The following C1orf198 variants were observed in gnomAD, a reference collection of about 807,000 sequenced individuals.
C1orf198 encodes chromosome 1 open reading frame 198.
C1orf198 carries 17 observed loss-of-function variants against 31.4 expected under a neutral mutation model. The observed-to-expected ratio is 0.54, with a 90% CI of 0.37 to 0.81. The LOEUF (loss-of-function observed/expected upper bound fraction) is 0.81, where lower values mean the gene tolerates loss of function less well. Among genes scored for constraint, C1orf198 ranks in the 40% least tolerant of loss-of-function variants. C1orf198 has a pLI of 0.00. For missense variants in C1orf198, 401 were observed against 450.3 expected, an observed-to-expected ratio of 0.89 and a Z score of 0.99; for synonymous variants, 175 against 193.8, an observed-to-expected ratio of 0.90 and a Z score of 0.81.
At chr1:230,866,783 C>T (rs963467063) in intron 1 of C1orf198, among the ~76,000 whole-genome samples, 2 of 152,208 alleles carry the variant, frequency 1.3e-5, no homozygotes, top group Non-Finnish European at 2.9e-5. Context: ...TATAAATACG[C>T]CTATTTTCCC....
intron 2 of C1orf198, among the ~76,000 whole-genome samples, chr1:230,854,961 C>T (rs1669837360): frequency 6.6e-6 from 1 of 152,216 alleles, no homozygotes; most frequent in African/African-American, 2.4e-5. Flanking sequence ...AACACACTCT[C>T]ATGACGTAAA....
At chr1:230,845,216 T>TAAAAAAAAAAAAAAAAAAAA (rs11355270) in intron 2 of C1orf198, among the ~76,000 whole-genome samples, 1 of 117,072 alleles carries the variant, frequency 8.5e-6, no homozygotes, top group East Asian at 2.8e-4. Context: ...TTAAAAAAAT[T>TAAAAAAAAAAAAAAAAAAAA]AAAAAAAAAA....
intron 1 of C1orf198, among the ~76,000 whole-genome samples, chr1:230,866,513 T>C (rs1435233132): frequency 6.6e-6 from 1 of 152,202 alleles, no homozygotes; most frequent in East Asian, 1.9e-4. Context: ...AGATGAGGAA[T>C]GAGAATAAAA....
chr1:230,867,416 A>T (rs1670144490), intron 1 of C1orf198, among the ~76,000 whole-genome samples: 2 of 152,186 alleles, frequency 1.3e-5, no homozygotes, highest in Non-Finnish European at 2.9e-5. Context: ...TCCCTCTAGC[A>T]GTCTGGACAG....
chr1:230,841,202 GC>G (rs1669431534), intron 3 of C1orf198, among the ~76,000 whole-genome samples: 1 of 152,194 alleles, frequency 6.6e-6, no homozygotes, highest in Non-Finnish European at 1.5e-5. Flanking sequence ...GGAGAGATGG[GC>G]AGGTACCGGA....
chr1:230,856,915 C>T (rs1669887612), intron 1 of C1orf198, among the ~76,000 whole-genome samples: 1 of 152,246 alleles, frequency 6.6e-6, no homozygotes. Context: ...CTCTCCTCTA[C>T]AGGGCAAACC....
At chr1:230,848,296 C>T (rs1390368477) in intron 2 of C1orf198, among the ~76,000 whole-genome samples, 1 of 152,190 alleles carries the variant, frequency 6.6e-6, no homozygotes, top group African/African-American at 2.4e-5. Context: ...TATGTGTATG[C>T]TGTTCATAAT....
At chr1:230,842,641 T>A (rs909744506) in intron 3 of C1orf198, among the ~76,000 whole-genome samples, 5 of 151,538 alleles carry the variant, frequency 3.3e-5, no homozygotes, top group African/African-American at 1.2e-4. Context: ...GGGTTCAGTG[T>A]CCACTGCTCG....
chr1:230,867,551 C>T (rs934515822), intron 1 of C1orf198, among the ~76,000 whole-genome samples: 3 of 152,154 alleles, frequency 2.0e-5, no homozygotes, highest in Non-Finnish European at 4.4e-5. Context: ...TTAAAACATA[C>T]GCTGGGCATT....
At chr1:230,868,698 G>A, upstream of C1orf198, 2 of 142,436 alleles carry the variant, frequency 1.4e-5, no homozygotes, top group Non-Finnish European at 1.8e-5. Flanking sequence ...CCCCCTCCCC[G>A]GGAGCTCCTC....
chr1:230,855,170 T>C (rs1281345873), intron 2 of C1orf198, among the ~76,000 whole-genome samples: 1 of 152,228 alleles, frequency 6.6e-6, no homozygotes, highest in Admixed American at 6.5e-5. Flanking sequence ...GTGATGATGA[T>C]GATAATGATG....
rs1204690983 is a variant in C1orf198, at chr1:230,838,233, C to T, written c.*1619G>A. 1 of 152,156 alleles carries T rather than the reference C, an allele frequency of 6.6e-6. No homozygotes were observed. The highest frequency in any genetic ancestry group is 1.9e-4 in the East Asian group (1 of 5,200). The allele number at this position is 152,156 out of a possible 1,614,324, so 9.4% of individuals were successfully genotyped here. On this transcript the variant is annotated 3_prime_UTR_variant, in exon 4 of 4. Transcript: ENST00000366663. The surrounding 1 kb of genome is among the most constrained non-coding windows in gnomAD (Gnocchi z 4.2). Reference sequence around the variant, plus strand: ...CATGCTGAAACCTTTTTTTGCCTCACATATATCAACTATACTTAAATGGTA... The same window carrying T: ...CATGCTGAAACCTTTTTTTGCCTCATATATATCAACTATACTTAAATGGTA...
chr1:230,844,266 T>G (rs1203220033), intron 2 of C1orf198, among the ~76,000 whole-genome samples: 1 of 152,024 alleles, frequency 6.6e-6, no homozygotes, highest in African/African-American at 2.4e-5. Context: ...GCTGTCTTCA[T>G]GATAGTGAGT....
At position 230,839,675 on chromosome 1, in the gene C1orf198, T is replaced by C; in HGVS notation, c.*177A>G. On this transcript the variant is annotated 3_prime_UTR_variant, in exon 4 of 4. Transcript: ENST00000366663. ...CAAATCACTGAAAATAGCATATATATCTGGTTCTACCAAAAAAGAAAAAAA... is the reference window on the plus strand; with the variant it reads ...CAAATCACTGAAAATAGCATATATACCTGGTTCTACCAAAAAAGAAAAAAA... 1 of 575,360 alleles carries C rather than the reference T, an allele frequency of 1.7e-6. No individual in the cohort carries two copies. Among genetic ancestry groups the C allele is most frequent in the African/African-American group, 2.0e-5 (1 of 51,054 alleles). The allele number at this position is 575,360 out of a possible 1,614,324, so 35.6% of individuals were successfully genotyped here. A position where few individuals can be genotyped will look rare whatever the true frequency, so the allele number is the denominator to read the frequency against.
rs116321558 is a variant in C1orf198 at position 230,848,516 on chromosome 1, T to C, written c.385-4620A>G. ...GGGGTGACTCCAGTTAAGTGTGTTG[T>C]GTATTTTGCAATAGCTATAAGAGAG... On this transcript the variant is annotated intron_variant, in intron 2 of 3. Transcript: ENST00000366663. Among the ~76,000 whole-genome samples, 802 of 152,256 alleles carry C rather than the reference T, an allele frequency of 5.3e-3. 9 individuals are homozygous for C. Among genetic ancestry groups the C allele is most frequent in the African/African-American group, 0.018 (765 of 41,540 alleles).
chr1:230,854,609 C>T (rs57702502), intron 2 of C1orf198, among the ~76,000 whole-genome samples: 16,475 of 152,226 alleles, frequency 0.11, 2,059 homozygotes, highest in African/African-American at 0.31. Context: ...CACGCTCCCA[C>T]GCCCTGAGGC....
In C1orf198 at chr1:230,845,336, T is replaced by C. The variant is rs185623993; in HGVS notation, c.385-1440A>G. Among the ~76,000 whole-genome samples, 7 of 151,670 alleles carry C rather than the reference T, an allele frequency of 4.6e-5. No individual in the cohort carries two copies. In the South Asian group the frequency reaches 6.3e-4, roughly 14 times the overall value. On this transcript the variant is annotated intron_variant, in intron 2 of 3. Transcript: ENST00000366663. The stretch of plus-strand genomic sequence containing the variant: ...AGGTCAAGGCTGCAGTGAGCCACGA[T>C]TGCATCACTGCATTCCAGCCTGGGC...
chr1:230,847,765 T>A (rs1669633155), intron 2 of C1orf198, among the ~76,000 whole-genome samples: 1 of 152,210 alleles, frequency 6.6e-6, no homozygotes, highest in African/African-American at 2.4e-5. Context: ...GGCAAATCAC[T>A]AAAAATGGCT....
intron 1 of C1orf198, among the ~76,000 whole-genome samples, chr1:230,862,044 G>A (rs538238519): frequency 3.3e-5 from 5 of 152,336 alleles, no homozygotes; most frequent in African/African-American, 1.2e-4. Flanking sequence ...AGTCCCATAG[G>A]TTGCAGAGTG....
Sources: gnomAD v4.1 joint callset for allele counts (sites outside exome capture counted in the v4.1 genomes callset) on GRCh38, gnomAD v4.1.1 for gene constraint, Gnocchi (gnomAD v3.1) non-coding constraint, MANE v1.5 for transcripts, NCBI Gene and HGNC (gene_info 2026-07-23, HGNC 2026-07-21) for gene names.